Variants in ENOX1 observed in about 807,000 individuals in gnomAD.
The protein encoded by ENOX1 is candidate growth-related and time keeping constitutive hydroquinone (NADH) oxidase.
ENOX1 carries 42 observed loss-of-function variants against 82.5 expected under a neutral mutation model. That is an observed-to-expected ratio of 0.51 (90% confidence interval 0.40 to 0.66). The LOEUF (loss-of-function observed/expected upper bound fraction) is 0.66. Among genes scored for constraint, ENOX1 ranks in the 30% least tolerant of loss-of-function variants. The probability of loss-of-function intolerance (pLI) is 0.00; values close to 1 mark genes in which losing one functional copy is unlikely to be tolerated. For synonymous variants in ENOX1, 271 were observed against 282.2 expected (o/e 0.96, Z 0.40); for missense variants, 608 against 811.6 (o/e 0.75, Z 3.05).
chr13:43,603,461 T>A (rs967413205), intron 2 of ENOX1, among the ~76,000 whole-genome samples: 2 of 151,822 alleles, frequency 1.3e-5, no homozygotes, highest in African/African-American at 4.8e-5. Context: ...TATGTATAGA[T>A]GTGCCATGCT....
intron 1 of ENOX1, among the ~76,000 whole-genome samples, chr13:43,760,636 T>C (rs1950911873): frequency 6.6e-6 from 1 of 152,154 alleles, no homozygotes; most frequent in Non-Finnish European, 1.5e-5. Flanking sequence ...TCCTGCTCTC[T>C]TCAGCTAAAT....
intron 2 of ENOX1, among the ~76,000 whole-genome samples, chr13:43,513,101 G>C (rs780449468): frequency 2.4e-4 from 36 of 152,072 alleles, no homozygotes; most frequent in Non-Finnish European, 4.7e-4. Flanking sequence ...ATAAGGCCAG[G>C]AGTTCAAGAG....
chr13:43,589,470 G>A (rs913172847), intron 2 of ENOX1, among the ~76,000 whole-genome samples: 1 of 152,074 alleles, frequency 6.6e-6, no homozygotes, highest in Non-Finnish European at 1.5e-5. Flanking sequence ...ATGGTGTGAA[G>A]TTTATATTAC....
intron 2 of ENOX1, among the ~76,000 whole-genome samples, chr13:43,551,208 C>T (rs766087459): frequency 4.6e-5 from 7 of 152,198 alleles, no homozygotes; most frequent in Non-Finnish European, 8.8e-5. Flanking sequence ...ACATAGTTTA[C>T]ATTTGTCCAT....
At chr13:43,494,582 C>A (rs2076731308) in intron 2 of ENOX1, among the ~76,000 whole-genome samples, 1 of 152,082 alleles carries the variant, frequency 6.6e-6, no homozygotes, top group African/African-American at 2.4e-5. Context: ...TATATTCATT[C>A]TTTCACAATA....
At chr13:43,261,392 C>A (rs981363176) in intron 14 of ENOX1, among the ~76,000 whole-genome samples, 1 of 152,128 alleles carries the variant, frequency 6.6e-6, no homozygotes, top group African/African-American at 2.4e-5. Flanking sequence ...CTGTCAGACT[C>A]CACCACACAG....
intron 1 of ENOX1, among the ~76,000 whole-genome samples, chr13:43,768,666 A>G (rs1951422649): frequency 6.6e-6 from 1 of 152,170 alleles, no homozygotes; most frequent in African/African-American, 2.4e-5. Context: ...AAGTACTAAC[A>G]TTTCTTTAGC....
At chr13:43,298,262 TC>T (rs770153089) in intron 12 of ENOX1, 83 bp downstream of exon 12, 7 of 1,396,424 alleles carry the variant, frequency 5.0e-6, no homozygotes, top group Non-Finnish European at 6.7e-6. Context: ...CTTCACCCTT[TC>T]CAGCACACGG....
intron 2 of ENOX1, among the ~76,000 whole-genome samples, chr13:43,562,692 A>G (rs2079736865): frequency 6.6e-6 from 1 of 152,168 alleles, no homozygotes; most frequent in Non-Finnish European, 1.5e-5. Context: ...GAAAATAAAG[A>G]ACTGGAAAGA....
At chr13:43,254,662 A>G (rs2043644187) in intron 14 of ENOX1, among the ~76,000 whole-genome samples, 1 of 152,250 alleles carries the variant, frequency 6.6e-6, no homozygotes, top group Non-Finnish European at 1.5e-5. Context: ...AAATTAGAGT[A>G]CATCTGTGGC....
At chr13:43,727,972 C>T (rs779434082) in intron 1 of ENOX1, among the ~76,000 whole-genome samples, 34 of 152,312 alleles carry the variant, frequency 2.2e-4, no homozygotes, top group Middle Eastern at 3.4e-3. Context: ...GCTTCCCCAA[C>T]GCTATTTTCT....
At chr13:43,234,231 C>A (rs1046907047) in intron 15 of ENOX1, among the ~76,000 whole-genome samples, 2 of 152,138 alleles carry the variant, frequency 1.3e-5, no homozygotes, top group African/African-American at 4.8e-5. Flanking sequence ...GAAACTCTTT[C>A]CCATTGTGGC....
At chr13:43,350,615 T>C (rs2049714421) in intron 8 of ENOX1, among the ~76,000 whole-genome samples, 1 of 152,166 alleles carries the variant, frequency 6.6e-6, no homozygotes, top group South Asian at 2.1e-4. Context: ...CCGGCTAATT[T>C]TGTATTTTTA....
chr13:43,695,601 C>G (rs1212368107), intron 1 of ENOX1, among the ~76,000 whole-genome samples: 1 of 152,016 alleles, frequency 6.6e-6, no homozygotes, highest in African/African-American at 2.4e-5. Context: ...GCATGCACCA[C>G]CGTGCCCAGC....
chr13:43,739,615 G>T (rs1158222806), intron 1 of ENOX1, among the ~76,000 whole-genome samples: 3 of 151,334 alleles, frequency 2.0e-5, no homozygotes, highest in Non-Finnish European at 4.4e-5. Flanking sequence ...AACGTGTGTG[G>T]GAGTTAGATG....
chr13:43,270,454 G>A (rs17460422), intron 12 of ENOX1, among the ~76,000 whole-genome samples: 13,363 of 152,166 alleles, frequency 0.088, 801 homozygotes, highest in Non-Finnish European at 0.13. Flanking sequence ...GGAAATGTTA[G>A]TGGATTCCTG....
chr13:43,604,257 T>G (rs911663898), intron 2 of ENOX1, among the ~76,000 whole-genome samples: 1 of 151,888 alleles, frequency 6.6e-6, no homozygotes, highest in Non-Finnish European at 1.5e-5. Flanking sequence ...TAAATTTGTT[T>G]GAGTTCATTG....
chr13:43,687,203 AT>A (rs757826100), intron 1 of ENOX1, among the ~76,000 whole-genome samples: 39 of 152,234 alleles, frequency 2.6e-4, no homozygotes, highest in Non-Finnish European at 1.0e-4. Flanking sequence ...AGCATCTGGT[AT>A]CACATTTAAC....
At chr13:43,267,769 C>T (rs564890224) in intron 13 of ENOX1, among the ~76,000 whole-genome samples, 57 of 152,272 alleles carry the variant, frequency 3.7e-4, no homozygotes, top group Non-Finnish European at 6.9e-4. Flanking sequence ...CTTGGACAAA[C>T]AGCTTGGTAA....
Sources: allele counts gnomAD v4.1 joint callset (sites outside exome capture counted in the v4.1 genomes callset), GRCh38; gene constraint gnomAD v4.1.1; transcripts MANE v1.5; gene names NCBI Gene and HGNC (gene_info 2026-07-23, HGNC 2026-07-21).